B3GALT1: variants seen among roughly 807,000 people sequenced by gnomAD.
The protein encoded by B3GALT1 is UDP-Gal:betaGlcNAc beta 1,3-galactosyltransferase, polypeptide 1.
In B3GALT1, 10 loss-of-function variants were observed where a neutral mutation model predicts 23.2. The ratio of observed to expected loss-of-function variants is 0.43; its 90% CI spans 0.27 to 0.73. B3GALT1 has a LOEUF of 0.73. Ranked by LOEUF, B3GALT1 falls within the 30% of genes least tolerant of loss-of-function variation. B3GALT1 has a pLI of 0.21. For synonymous variants in B3GALT1, 156 were observed against 141.5 expected, an observed-to-expected ratio of 1.10 and a Z score of -0.73; for missense variants, 299 against 405.4, an observed-to-expected ratio of 0.74 and a Z score of 2.25.
At chr2:167,730,466 C>G (rs991825638) in intron 3 of B3GALT1, among the ~76,000 whole-genome samples, 10 of 152,122 alleles carry the variant, frequency 6.6e-5, no homozygotes, top group African/African-American at 2.4e-4. Flanking sequence ...AAAATACTTT[C>G]AAACCCATTA....
chr2:167,550,746 G>T (rs181800363), intron 2 of B3GALT1, among the ~76,000 whole-genome samples: 1 of 152,324 alleles, frequency 6.6e-6, no homozygotes, highest in Non-Finnish European at 1.5e-5. Context: ...AAGAGAGGAA[G>T]TTGCATCTGA....
chr2:167,822,920 T>C (rs1191986389), intron 4 of B3GALT1, among the ~76,000 whole-genome samples: 4 of 152,310 alleles, frequency 2.6e-5, no homozygotes, highest in Non-Finnish European at 5.9e-5. Context: ...TGTTTTCTCT[T>C]TTTTCTTCCT....
At chr2:167,344,863 A>T (rs1697204724) in intron 1 of B3GALT1, among the ~76,000 whole-genome samples, 1 of 152,178 alleles carries the variant, frequency 6.6e-6, no homozygotes, top group Non-Finnish European at 1.5e-5. Flanking sequence ...AAATCTGCTT[A>T]ATTTTCTTCC....
intron 3 of B3GALT1, among the ~76,000 whole-genome samples, chr2:167,696,572 C>T (rs935924136): frequency 2.2e-4 from 33 of 152,144 alleles, no homozygotes; most frequent in Non-Finnish European, 4.1e-4. Flanking sequence ...GTTACTCTCT[C>T]TCCAATTAAG....
intron 3 of B3GALT1, among the ~76,000 whole-genome samples, chr2:167,748,561 A>G (rs1056101753): frequency 3.3e-5 from 5 of 152,182 alleles, no homozygotes; most frequent in African/African-American, 1.2e-4. Context: ...GAGCTGAGGT[A>G]TCAGAAGGCA....
At chr2:167,506,528 G>A (rs1216630963) in intron 2 of B3GALT1, among the ~76,000 whole-genome samples, 1 of 152,178 alleles carries the variant, frequency 6.6e-6, no homozygotes, top group African/African-American at 2.4e-5. Context: ...TTTAAACTTT[G>A]TGGGGTGAGG....
intron 1 of B3GALT1, among the ~76,000 whole-genome samples, chr2:167,301,175 G>T (rs1286215328): frequency 6.6e-6 from 1 of 152,138 alleles, no homozygotes; most frequent in Non-Finnish European, 1.5e-5. Context: ...TAAACTTCTG[G>T]TAAGATTCTT....
intron 3 of B3GALT1, among the ~76,000 whole-genome samples, chr2:167,754,379 C>T (rs934592736): frequency 6.6e-6 from 1 of 152,204 alleles, no homozygotes; most frequent in Non-Finnish European, 1.5e-5. Context: ...CCATTTCCCA[C>T]TACCGTATCC....
chr2:167,512,530 G>GTATATATATA (rs1700022618), intron 2 of B3GALT1, among the ~76,000 whole-genome samples: 4 of 128,586 alleles, frequency 3.1e-5, no homozygotes, highest in Non-Finnish European at 6.2e-5. Flanking sequence ...ATATATGTGT[G>GTATATATATA]TGTGTATATA....
chr2:167,775,562 C>G (rs1389663274), intron 3 of B3GALT1, among the ~76,000 whole-genome samples: 2 of 105,424 alleles, frequency 1.9e-5, no homozygotes, highest in Non-Finnish European at 3.7e-5. Context: ...GAGTGAGACG[C>G]TGTCTCAAAA....
chr2:167,620,122 A>AGT (rs1385412514), intron 2 of B3GALT1, among the ~76,000 whole-genome samples: 12 of 152,050 alleles, frequency 7.9e-5, no homozygotes, highest in East Asian at 5.8e-4. Context: ...CGGTGTGAGG[A>AGT]GTGTGTGTGC....
chr2:167,572,320 T>G (rs1684308744), intron 2 of B3GALT1, among the ~76,000 whole-genome samples: 1 of 151,826 alleles, frequency 6.6e-6, no homozygotes, highest in South Asian at 2.1e-4. Context: ...GTAACTTTGT[T>G]ATATCTGTTC....
chr2:167,762,517 A>G (rs1687911889), intron 3 of B3GALT1, among the ~76,000 whole-genome samples: 1 of 152,020 alleles, frequency 6.6e-6, no homozygotes, highest in Non-Finnish European at 1.5e-5. Context: ...AGGAGTCTTA[A>G]GATACCTTCC....
chr2:167,736,143 C>A (rs1028606497), intron 3 of B3GALT1, among the ~76,000 whole-genome samples: 2 of 152,176 alleles, frequency 1.3e-5, no homozygotes, highest in South Asian at 4.1e-4. Flanking sequence ...ACTTCAGATT[C>A]CACAGCGTCA....
intron 3 of B3GALT1, among the ~76,000 whole-genome samples, chr2:167,670,839 TTCAA>T (rs1248470587): frequency 3.3e-5 from 5 of 152,178 alleles, no homozygotes; most frequent in African/African-American, 1.2e-4. Context: ...CAAGTCACTA[TTCAA>T]TCAGAGGAGA....
Position 167,514,064 on chromosome 2 carries a change from G to A in B3GALT1, c.-410+23787G>A, listed in dbSNP as rs144346157. Among the ~76,000 whole-genome samples, 532 of 151,898 alleles carry A rather than the reference G, an allele frequency of 3.5e-3. 3 individuals are homozygous for A. The highest frequency in any genetic ancestry group is 0.012 in the African/African-American group (505 of 41,408). On this transcript the variant is annotated intron_variant, in intron 2 of 4. Coordinates refer to ENST00000392690, the MANE Select transcript of B3GALT1 (RefSeq NM_020981.4). ...TGGAATTACAGGCGCCCACCACCAC[G>A]CCCAGCTAATTTTTTTGTATCTTTA...
chr2:167,467,159 C>G (rs961220571), intron 1 of B3GALT1, among the ~76,000 whole-genome samples: 3 of 151,810 alleles, frequency 2.0e-5, no homozygotes, highest in African/African-American at 7.3e-5. Context: ...CATTCACATT[C>G]TGGAGCTGAC....
At chr2:167,369,019 T>C (rs1054743806) in intron 1 of B3GALT1, among the ~76,000 whole-genome samples, 2 of 151,952 alleles carry the variant, frequency 1.3e-5, no homozygotes, top group Non-Finnish European at 2.9e-5. Context: ...ACATTTTTAA[T>C]CCAAATAAAA....
chr2:167,556,331 A>G (rs1683851294), intron 2 of B3GALT1, among the ~76,000 whole-genome samples: 1 of 152,172 alleles, frequency 6.6e-6, no homozygotes. Context: ...AGTTTCGAGG[A>G]CTAAAGCACT....
Sources: gnomAD v4.1 joint callset for allele counts (sites outside exome capture counted in the v4.1 genomes callset) on GRCh38, gnomAD v4.1.1 for gene constraint, MANE v1.5 for transcripts, NCBI Gene and HGNC (gene_info 2026-07-23, HGNC 2026-07-21) for gene names.